The following QTGAL variants were observed in gnomAD, a reference collection of about 807,000 sequenced individuals.
The protein encoded by QTGAL is queuosine-tRNA galactosyltransferase.
At chr17:82,986,209 G>A in the QTGAL span, among the ~76,000 whole-genome samples, 6 of 152,210 alleles carry the variant, frequency 3.9e-5, no homozygotes, top group Non-Finnish European at 8.8e-5. Context: ...GTTTGGGCTT[G>A]CTGCCGCCGG....
At chr17:83,051,716 AC>A in the QTGAL span, 3 of 1,478,082 alleles carry the variant, frequency 2.0e-6, no homozygotes, top group African/African-American at 4.4e-5. Context: ...ACGGCGGGGC[AC>A]CCTCCCCGCT....
the QTGAL span, chr17:82,978,951 T>G: frequency 6.6e-6 from 1 of 152,238 alleles, no homozygotes; most frequent in East Asian, 1.9e-4. This position sits in a 1 kb window ranked among gnomAD's most constrained non-coding sequence, Gnocchi z 4.8. Flanking sequence ...GGAAGTACAT[T>G]GAAAACCTGT....
At chr17:82,973,673 CCA>C in the QTGAL span, among the ~76,000 whole-genome samples, 1 of 152,150 alleles carries the variant, frequency 6.6e-6, no homozygotes, top group Non-Finnish European at 1.5e-5. Context: ...ACCGCGGGAA[CCA>C]CACACTGAGT....
the QTGAL span, among the ~76,000 whole-genome samples, chr17:82,999,989 G>T: frequency 6.6e-6 from 1 of 152,078 alleles, no homozygotes. Flanking sequence ...TTGAGATGGA[G>T]TCTCGCTCTG....
the QTGAL span, among the ~76,000 whole-genome samples, chr17:82,992,729 C>T: frequency 6.6e-6 from 1 of 152,054 alleles, no homozygotes; most frequent in East Asian, 1.9e-4. Flanking sequence ...GAACAATGAA[C>T]CAATCAAAAA....
the QTGAL span, chr17:83,035,091 C>T: frequency 2.4e-5 from 38 of 1,611,392 alleles, no homozygotes; most frequent in Middle Eastern, 1.6e-4. Flanking sequence ...TGATTTTTAG[C>T]GTATCCGACT....
At chr17:83,047,249 C>T in the QTGAL span, among the ~76,000 whole-genome samples, 18 of 152,270 alleles carry the variant, frequency 1.2e-4, no homozygotes, top group East Asian at 2.7e-3. Flanking sequence ...GAGCTCTGAG[C>T]GGCCTCTTTT....
the QTGAL span, chr17:83,007,054 C>T: frequency 3.8e-5 from 16 of 417,042 alleles, no homozygotes; most frequent in Non-Finnish European, 4.8e-5. Flanking sequence ...TGAAGGCTGG[C>T]GAGGAGCATC....
the QTGAL span, among the ~76,000 whole-genome samples, chr17:82,989,716 T>C: frequency 1.3e-5 from 2 of 152,072 alleles, no homozygotes; most frequent in Non-Finnish European, 2.9e-5. Context: ...AAAAGATGCA[T>C]AAATGAATTA....
chr17:83,035,478 T>C, the QTGAL span, among the ~76,000 whole-genome samples: 3 of 152,170 alleles, frequency 2.0e-5, no homozygotes, highest in East Asian at 1.9e-4. Context: ...CAATATACGA[T>C]GTTCTATAAG....
At chr17:82,953,775 G>T in the QTGAL span, among the ~76,000 whole-genome samples, 2 of 152,174 alleles carry the variant, frequency 1.3e-5, no homozygotes, top group Non-Finnish European at 2.9e-5. Flanking sequence ...ACTGAATCCA[G>T]CAGCACATCA....
At chr17:82,974,754 T>C in the QTGAL span, among the ~76,000 whole-genome samples, 2 of 152,128 alleles carry the variant, frequency 1.3e-5, no homozygotes, top group African/African-American at 2.4e-5. Context: ...GGGGGTGAGC[T>C]GGGTCCCCCC....
At chr17:82,943,530 C>T in the QTGAL span, 1 of 146,456 alleles carries the variant, frequency 6.8e-6, no homozygotes, top group South Asian at 2.2e-4. Context: ...CTGGCCTGCT[C>T]TCAGGTGGGG....
the QTGAL span, among the ~76,000 whole-genome samples, chr17:82,973,933 G>A: frequency 5.9e-5 from 9 of 152,164 alleles, no homozygotes; most frequent in East Asian, 1.9e-4. Flanking sequence ...GGTGGGCCCC[G>A]TGTACCTGTG....
chr17:83,033,362 G>GTAT, the QTGAL span, among the ~76,000 whole-genome samples: 1 of 152,132 alleles, frequency 6.6e-6, no homozygotes, highest in Non-Finnish European at 1.5e-5. Context: ...TCTCAGAGAT[G>GTAT]CCAAGAAGGA....
chr17:82,985,297 T>G, the QTGAL span, among the ~76,000 whole-genome samples: 5 of 152,242 alleles, frequency 3.3e-5, no homozygotes, highest in Non-Finnish European at 7.3e-5. Context: ...CAAATGTGAC[T>G]CAGACAATGA....
the QTGAL span, chr17:83,006,099 A>G: frequency 2.3e-5 from 23 of 993,030 alleles, no homozygotes; most frequent in Non-Finnish European, 2.8e-5. This position sits in a 1 kb window ranked among gnomAD's most constrained non-coding sequence, Gnocchi z 5.8. Context: ...TTCTCACAGC[A>G]CAGGCCCCAG....
At chr17:83,029,615 G>A in the QTGAL span, among the ~76,000 whole-genome samples, 1 of 152,122 alleles carries the variant, frequency 6.6e-6, no homozygotes, top group Non-Finnish European at 1.5e-5. Context: ...AAGTCAGGCT[G>A]GGGGGAGCCG....
At chr17:82,955,274 G>GA in the QTGAL span, among the ~76,000 whole-genome samples, 68 of 152,082 alleles carry the variant, frequency 4.5e-4, 1 homozygote, top group Non-Finnish European at 4.9e-4. Context: ...AAATTTACAA[G>GA]AAAAAACCTC....
Sources: allele counts gnomAD v4.1 joint callset (sites outside exome capture counted in the v4.1 genomes callset), GRCh38; gene constraint gnomAD v4.1.1; non-coding constraint Gnocchi (gnomAD v3.1); transcripts MANE v1.5; gene names NCBI Gene and HGNC (gene_info 2026-07-23, HGNC 2026-07-21).